Variants in CACNA1C observed in about 807,000 individuals in gnomAD.
CACNA1C encodes calcium voltage-gated channel subunit alpha1 C.
CACNA1C carries 30 observed loss-of-function variants against 229.0 expected under a neutral mutation model. That is an observed-to-expected ratio of 0.13 (90% CI 0.10 to 0.18). The LOEUF is 0.18. CACNA1C is among the 10% of genes least tolerant of loss of function. The pLI is 1.00. For synonymous variants in CACNA1C, 1,114 were observed against 1,132.5 expected (o/e 0.98, Z 0.33); for missense variants, 1,658 against 2,845.0 (o/e 0.58, Z 9.49).
chr12:2,240,269 C>T (rs1221770503), intron 3 of CACNA1C, among the ~76,000 whole-genome samples: 2 of 152,332 alleles, frequency 1.3e-5, no homozygotes, highest in East Asian at 3.9e-4. Context: ...CCCCTTCTTG[C>T]TGGAGTTAAA....
At chr12:2,625,795 AT>A (rs1183432601) in intron 29 of CACNA1C, among the ~76,000 whole-genome samples, 1 of 151,588 alleles carries the variant, frequency 6.6e-6, no homozygotes, top group African/African-American at 2.4e-5. Context: ...AAAAAAAAAA[AT>A]TCTATTTTTA....
At chr12:2,097,237 C>G (rs2074425515) in intron 1 of CACNA1C, among the ~76,000 whole-genome samples, 1 of 152,120 alleles carries the variant, frequency 6.6e-6, no homozygotes, top group South Asian at 2.1e-4. Flanking sequence ...GCTCCGCCTC[C>G]CAGGTTCACA....
chr12:2,267,223 AC>A (rs1298229220), intron 3 of CACNA1C, among the ~76,000 whole-genome samples: 1 of 151,010 alleles, frequency 6.6e-6, no homozygotes, highest in Non-Finnish European at 1.5e-5. Context: ...GGCAAGGAGA[AC>A]CCGGGAAATT....
At chr12:2,543,944 C>T (rs770906633) in intron 9 of CACNA1C, among the ~76,000 whole-genome samples, 6 of 152,198 alleles carry the variant, frequency 3.9e-5, no homozygotes, top group Non-Finnish European at 5.9e-5. Context: ...CTCATCCCCT[C>T]AGACAGCCAC....
chr12:2,171,661 C>A (rs1157835009), intron 3 of CACNA1C, among the ~76,000 whole-genome samples: 1 of 152,114 alleles, frequency 6.6e-6, no homozygotes, highest in Non-Finnish European at 1.5e-5. Flanking sequence ...GCTGGAAATG[C>A]AGTGAAGAAT....
At chr12:2,396,673 C>A (rs2098587646) in intron 3 of CACNA1C, among the ~76,000 whole-genome samples, 1 of 152,274 alleles carries the variant, frequency 6.6e-6, no homozygotes, top group African/African-American at 2.4e-5. Context: ...GGGGACCCAG[C>A]AGCCCCTGGC....
At chr12:2,501,734 G>A (rs1204678425) in intron 7 of CACNA1C, among the ~76,000 whole-genome samples, 2 of 152,168 alleles carry the variant, frequency 1.3e-5, no homozygotes, top group Non-Finnish European at 2.9e-5. Context: ...AGTCTGGTGT[G>A]GTTTCCTTTG....
intron 3 of CACNA1C, among the ~76,000 whole-genome samples, chr12:2,221,993 C>T (rs983453750): frequency 7.9e-5 from 12 of 152,148 alleles, no homozygotes; most frequent in Non-Finnish European, 1.5e-4. Flanking sequence ...ATTTACATCT[C>T]ATATGAGTGT....
intron 14 of CACNA1C, 53 bp from the exon 15 acceptor site, chr12:2,582,769 G>C: frequency 6.3e-7 from 1 of 1,597,206 alleles, no homozygotes; most frequent in East Asian, 2.2e-5. Flanking sequence ...GTGGTTTTGG[G>C]TTTGCTGTTG....
intron 31 of CACNA1C, among the ~76,000 whole-genome samples, chr12:2,650,228 G>A (rs964554391): frequency 3.3e-5 from 5 of 152,194 alleles, no homozygotes; most frequent in African/African-American, 4.8e-5. Flanking sequence ...GGCTGCCTTC[G>A]GGTCTCCCTG....
In CACNA1C at chr12:2,694,472, C is replaced by T. The variant is rs746476878; in HGVS notation, c.*3273C>T. 4.6e-5 allele frequency: 7 copies of T among 152,282 alleles called. No homozygotes were observed. Among genetic ancestry groups the T allele is most frequent in the Non-Finnish European group, 7.3e-5 (5 of 68,092 alleles). 9.4% of individuals were successfully genotyped at this position (152,282 alleles called of 1,614,324 possible). The stretch of plus-strand genomic sequence containing the variant: ...GTCCTCCGACCAGCCCTGCCTCTTT[C>T]ATTTCCAGACCTTGGAGAATTTTTC... On this transcript the variant is annotated 3_prime_UTR_variant, in exon 47 of 47. Transcript: ENST00000399655.
At chr12:2,018,674 A>T (rs556299902) in intron 1 of CACNA1C, among the ~76,000 whole-genome samples, 1 of 152,236 alleles carries the variant, frequency 6.6e-6, no homozygotes, top group Non-Finnish European at 1.5e-5. Flanking sequence ...CTGTCTTAAT[A>T]AGCACAACTC....
At chr12:2,089,600 G>C (rs1205529951) in intron 1 of CACNA1C, among the ~76,000 whole-genome samples, 1 of 152,216 alleles carries the variant, frequency 6.6e-6, no homozygotes, top group African/African-American at 2.4e-5. Context: ...TGTACCCAGA[G>C]ACTTGACATT....
At chr12:2,136,162 G>C (rs1482653103) in intron 3 of CACNA1C, among the ~76,000 whole-genome samples, 1 of 151,442 alleles carries the variant, frequency 6.6e-6, no homozygotes, top group Non-Finnish European at 1.5e-5. Context: ...GCCCTGCTTT[G>C]GCTCGCGCAC....
intron 3 of CACNA1C, among the ~76,000 whole-genome samples, chr12:2,437,434 G>GA (rs939510793): frequency 6.6e-6 from 1 of 152,208 alleles, no homozygotes; most frequent in East Asian, 1.9e-4. Context: ...CAAACAATGG[G>GA]AAAAAAACAT....
In CACNA1C at chr12:2,666,656, G is replaced by A. The variant is rs1252157223; in HGVS notation, c.4527-30G>A. The A allele has an allele frequency of 6.9e-7, 1 of 1,453,544 alleles. No homozygotes were observed. The highest frequency in any genetic ancestry group is 1.9e-5 in the Admixed American group (1 of 52,386). 90.0% of individuals were successfully genotyped at this position (1,453,544 alleles called of 1,614,324 possible). ...CTGGCAGAGACCGTGGCTCTCTGAT[G>A]CCCTGTCCCTCCTCTCCCTCCTCTT... On this transcript the variant is annotated intron_variant, in intron 36 of 46. Coordinates refer to ENST00000399655, the MANE Select transcript of CACNA1C (RefSeq NM_000719.7). This position sits in a 1 kb window ranked among gnomAD's most constrained non-coding sequence, Gnocchi z 5.3.
At chr12:2,675,459 C>T (rs2096758638) in intron 39 of CACNA1C, among the ~76,000 whole-genome samples, 1 of 152,096 alleles carries the variant, frequency 6.6e-6, no homozygotes, top group East Asian at 1.9e-4. Context: ...GTATAAATAG[C>T]CCCCCACACA....
intron 3 of CACNA1C, among the ~76,000 whole-genome samples, chr12:2,150,982 C>T (rs1416160053): frequency 6.6e-6 from 1 of 152,182 alleles, no homozygotes; most frequent in East Asian, 1.9e-4. Context: ...TGCATGCTTT[C>T]CTTTGTGTTG....
rs1020211324 is a variant in CACNA1C, at chr12:2,493,781, T to C, written c.1113+395T>C. 3.9e-5 allele frequency among the ~76,000 whole-genome samples: 6 copies of C among 152,232 alleles called. No individual in the cohort carries two copies. The South Asian group carries it at 1.2e-3, about 31-fold the overall frequency. On this transcript the variant is annotated intron_variant, in intron 7 of 46. Transcript: ENST00000399655. This position sits in a 1 kb window ranked among gnomAD's most constrained non-coding sequence, Gnocchi z 4.6. ...AAAAGGGAGCTAGAAGGCAGAATTATGTATTCTTAGGGCAGAAGAGAAGAA... is the reference window on the plus strand; with the variant it reads ...AAAAGGGAGCTAGAAGGCAGAATTACGTATTCTTAGGGCAGAAGAGAAGAA...
Sources: gnomAD v4.1 joint callset for allele counts (sites outside exome capture counted in the v4.1 genomes callset) on GRCh38, gnomAD v4.1.1 for gene constraint, Gnocchi (gnomAD v3.1) non-coding constraint, MANE v1.5 for transcripts, NCBI Gene and HGNC (gene_info 2026-07-23, HGNC 2026-07-21) for gene names.